PHLDB2: variants seen among roughly 807,000 people sequenced by gnomAD.
PHLDB2 encodes pleckstrin homology-like domain family B member 2.
In PHLDB2, 71 loss-of-function variants were observed where a neutral mutation model predicts 123.6. The observed-to-expected ratio is 0.57, with a 90% CI of 0.47 to 0.70. The LOEUF (loss-of-function observed/expected upper bound fraction) is 0.70, where lower values mean the gene tolerates loss of function less well. PHLDB2 is among the 30% of genes least tolerant of loss of function. The pLI, the probability that PHLDB2 is intolerant of heterozygous loss-of-function variation, is 0.00. For missense variants in PHLDB2, 1,446 were observed against 1,519.5 expected (o/e 0.95, Z 0.80); for synonymous variants, 547 against 541.6 (o/e 1.01, Z -0.14).
chr3:111,962,094 G>C lies in PHLDB2; in HGVS notation c.2873-14G>C. The C allele has an allele frequency of 6.4e-7, 1 of 1,573,508 alleles. No homozygotes were observed. Among genetic ancestry groups the C allele is most frequent in the Non-Finnish European group, 8.6e-7 (1 of 1,168,196 alleles). On this transcript the variant is annotated splice_polypyrimidine_tract_variant and intron_variant, in intron 12 of 17. Transcript: ENST00000431670. Reference sequence around the variant, plus strand: ...AAATGAGGCAAACTAACATATTTATGGCTCCTTCCTTAGGTTATAATCACC... The same window carrying C: ...AAATGAGGCAAACTAACATATTTATCGCTCCTTCCTTAGGTTATAATCACC...
At chr3:111,841,680 G>A (rs907614392) in intron 1 of PHLDB2, among the ~76,000 whole-genome samples, 1 of 152,176 alleles carries the variant, frequency 6.6e-6, no homozygotes, top group Non-Finnish European at 1.5e-5. Flanking sequence ...GGTGTCAGCT[G>A]GGCTTCTAAG....
intron 2 of PHLDB2, among the ~76,000 whole-genome samples, chr3:111,895,513 A>G (rs2066784170): frequency 6.6e-6 from 1 of 152,252 alleles, no homozygotes. Context: ...AAAGAAATAT[A>G]AACTAAATAA....
intron 8 of PHLDB2, among the ~76,000 whole-genome samples, chr3:111,941,798 C>A (rs1242130092): frequency 1.7e-5 from 2 of 117,246 alleles, no homozygotes; most frequent in Non-Finnish European, 4.0e-5. Context: ...CAGAGTGAGA[C>A]CCTGTCTCAA....
At chr3:111,846,084 C>A in intron 2 of PHLDB2, 1 of 786,028 alleles carries the variant, frequency 1.3e-6, no homozygotes, top group Non-Finnish European at 2.0e-6. Context: ...AATCCTTGCC[C>A]AGAACTTTGG....
At chr3:111,904,362 A>G (rs1331125603) in intron 2 of PHLDB2, among the ~76,000 whole-genome samples, 3 of 151,750 alleles carry the variant, frequency 2.0e-5, no homozygotes, top group Admixed American at 6.6e-5. Flanking sequence ...ACAGAGAGGT[A>G]CTGAGCCTCC....
At chr3:111,914,971 A>C (rs1237183419) in intron 3 of PHLDB2, 1 of 152,064 alleles carries the variant, frequency 6.6e-6, no homozygotes, top group Middle Eastern at 3.2e-3. Flanking sequence ...TTTAGGTTTT[A>C]AATTTCTCCA....
chr3:111,792,345 T>A (rs896341243), intron 1 of PHLDB2, among the ~76,000 whole-genome samples: 4 of 152,332 alleles, frequency 2.6e-5, no homozygotes, highest in Admixed American at 2.6e-4. Flanking sequence ...GAGATTCACA[T>A]TAGCTCAGAT....
At chr3:111,849,495 G>C (rs1430149142) in intron 2 of PHLDB2, among the ~76,000 whole-genome samples, 1 of 152,160 alleles carries the variant, frequency 6.6e-6, no homozygotes, top group Non-Finnish European at 1.5e-5. Context: ...TCTTATGTCA[G>C]TCTTGTAAAT....
chr3:111,943,581 A>T (rs2070064106), intron 8 of PHLDB2, among the ~76,000 whole-genome samples: 3 of 152,194 alleles, frequency 2.0e-5, no homozygotes, highest in Admixed American at 2.0e-4. Flanking sequence ...AAAAACAGGC[A>T]AAAGTCTTGA....
intron 1 of PHLDB2, among the ~76,000 whole-genome samples, chr3:111,769,970 A>C (rs925114045): frequency 1.3e-5 from 2 of 152,234 alleles, no homozygotes; most frequent in Non-Finnish European, 2.9e-5. Flanking sequence ...TCCATTGTTG[A>C]ATTTTAGTTA....
At chr3:111,827,628 T>G (rs1163475341) in intron 1 of PHLDB2, among the ~76,000 whole-genome samples, 1 of 142,282 alleles carries the variant, frequency 7.0e-6, no homozygotes, top group Admixed American at 7.6e-5. Flanking sequence ...GAGCCGAGAT[T>G]GGAGATTGTG....
intron 12 of PHLDB2, chr3:111,957,238 A>G (rs2071115745): frequency 6.6e-6 from 1 of 152,668 alleles, no homozygotes; most frequent in South Asian, 2.1e-4. Context: ...AAATACAGGA[A>G]AGTCCAAGAA....
chr3:111,962,963 A>G (rs1471464826), intron 13 of PHLDB2, among the ~76,000 whole-genome samples: 2 of 151,976 alleles, frequency 1.3e-5, no homozygotes. Context: ...AGAAAGAAAA[A>G]GAAAAGGAAT....
intron 10 of PHLDB2, among the ~76,000 whole-genome samples, chr3:111,950,066 T>C (rs1156972758): frequency 6.6e-6 from 1 of 152,218 alleles, no homozygotes; most frequent in Non-Finnish European, 1.5e-5. Flanking sequence ...GTTAGAATTG[T>C]TGTAAGGTTT....
intron 3 of PHLDB2, among the ~76,000 whole-genome samples, chr3:111,917,830 T>C (rs932397836): frequency 2.0e-5 from 3 of 152,216 alleles, no homozygotes; most frequent in Admixed American, 6.5e-5. Flanking sequence ...ATCAGGATTG[T>C]CAAATAAATT....
chr3:111,824,975 C>G (rs554171882), intron 1 of PHLDB2, among the ~76,000 whole-genome samples: 1 of 152,270 alleles, frequency 6.6e-6, no homozygotes, highest in South Asian at 2.1e-4. Flanking sequence ...TCTATATTAT[C>G]TCTTAATGGC....
At chr3:111,966,524 T>TAG (rs1553755685) in intron 13 of PHLDB2, 89 bp from the exon 14 acceptor site, 2 of 501,554 alleles carry the variant, frequency 4.0e-6, no homozygotes, top group Non-Finnish European at 6.7e-6. Context: ...TGTGTGTGTC[T>TAG]GGGGTGTGTG....
chr3:111,960,433 T>A (rs532291594), intron 12 of PHLDB2, among the ~76,000 whole-genome samples: 1 of 152,348 alleles, frequency 6.6e-6, no homozygotes, highest in Middle Eastern at 3.4e-3. Flanking sequence ...CCCAGAAATG[T>A]CTGAATCTGA....
intron 2 of PHLDB2, among the ~76,000 whole-genome samples, chr3:111,898,288 T>G (rs1421892907): frequency 6.6e-6 from 1 of 151,948 alleles, no homozygotes; most frequent in East Asian, 1.9e-4. Context: ...ATCAAGTGAT[T>G]CTCTTGCTTC....
Sources: allele counts gnomAD v4.1 joint callset (sites outside exome capture counted in the v4.1 genomes callset), GRCh38; gene constraint gnomAD v4.1.1; transcripts MANE v1.5; gene names NCBI Gene and HGNC (gene_info 2026-07-23, HGNC 2026-07-21).